The following DIS3L variants were observed in gnomAD, a reference collection of about 807,000 sequenced individuals.
The protein encoded by DIS3L is DIS3-like exonuclease 1.
Under a neutral mutation model 120.3 loss-of-function variants are expected in DIS3L, and 100 were observed. The observed-to-expected ratio is 0.83, with a 90% CI of 0.71 to 0.98. DIS3L has a LOEUF of 0.98. Ranked by LOEUF, DIS3L falls within the 50% of genes least tolerant of loss-of-function variation. The pLI is 0.00. For missense variants in DIS3L, 1,196 were observed against 1,314.2 expected (o/e 0.91, Z 1.39); for synonymous variants, 426 against 470.6 (o/e 0.91, Z 1.23).
At chr15:66,299,684 AT>A (rs2092626570) in intron 2 of DIS3L, among the ~76,000 whole-genome samples, 4 of 152,162 alleles carry the variant, frequency 2.6e-5, no homozygotes, top group Admixed American at 1.3e-4. Flanking sequence ...TCCAAGGAGT[AT>A]TTAATAGGTA....
intron 7 of DIS3L, 149 bp downstream of exon 7, chr15:66,315,364 G>A: frequency 2.5e-6 from 2 of 793,398 alleles, no homozygotes; most frequent in Non-Finnish European, 3.7e-6. Context: ...ATAATATGAT[G>A]ATTTTTGTGT....
chr15:66,309,399 A>G (rs904501928), intron 4 of DIS3L, among the ~76,000 whole-genome samples: 1 of 152,018 alleles, frequency 6.6e-6, no homozygotes, highest in Non-Finnish European at 1.5e-5. Flanking sequence ...TATAACTATA[A>G]CAGTAATAGT....
intron 15 of DIS3L, among the ~76,000 whole-genome samples, chr15:66,332,485 A>AGGGTGTGT (rs2093009585): frequency 9.1e-6 from 1 of 109,742 alleles, no homozygotes; most frequent in East Asian, 2.6e-4. Context: ...TGAAGACTGG[A>AGGGTGTGT]GTGTGTGTGT....
chr15:66,302,321 C>T (rs947855421), intron 2 of DIS3L, among the ~76,000 whole-genome samples: 3 of 152,026 alleles, frequency 2.0e-5, no homozygotes, highest in Non-Finnish European at 4.4e-5. Context: ...GAGCCATGAT[C>T]GCGCTGCTGC....
chr15:66,297,691 T>G (rs1167572877), intron 2 of DIS3L, among the ~76,000 whole-genome samples: 1 of 152,240 alleles, frequency 6.6e-6, no homozygotes, highest in Admixed American at 6.5e-5. Flanking sequence ...GAGATGCAAG[T>G]AAATAATTCA....
At position 66,332,623 on chromosome 15, in the gene DIS3L, G is replaced by A. The variant is rs2093013041; in HGVS notation, c.2682-113G>A. 3.6e-6 allele frequency: 4 copies of A among 1,100,270 alleles called. No homozygotes were observed. The Admixed American group carries it at 1.0e-4, about 27-fold the overall frequency. The allele number at this position is 1,100,270 out of a possible 1,614,324, so 68.2% of individuals were successfully genotyped here. The stretch of plus-strand genomic sequence containing the variant: ...AATAAATACGTGGAGGTAAACCACA[G>A]GAAAAGTGATTTGTTTTTAATCTAG... On this transcript the variant is annotated intron_variant, in intron 15 of 16. Coordinates refer to ENST00000319212, the MANE Select transcript of DIS3L (RefSeq NM_001143688.3).
rs1165820649 is a variant in DIS3L at position 66,329,462 on chromosome 15, TGTGTAGTACC to T, written c.2535+67_2535+76del. The T allele has an allele frequency of 2.0e-6, 3 of 1,526,084 alleles. No homozygotes were observed. In the East Asian group the frequency reaches 6.8e-5, roughly 35 times the overall value. 94.5% of individuals were successfully genotyped at this position (1,526,084 alleles called of 1,614,324 possible). A position where few individuals can be genotyped will look rare whatever the true frequency, so the allele number is the denominator to read the frequency against. On this transcript the variant is annotated intron_variant, in intron 14 of 16. Coordinates refer to ENST00000319212, the MANE Select transcript of DIS3L (RefSeq NM_001143688.3). ...CTTGCTAAGAAAATATCAGCTTTATTGTGTAGTACCGTGAAGTATCATATATTCTAGCAAA... is the reference window on the plus strand; with the variant it reads ...CTTGCTAAGAAAATATCAGCTTTATTGTGAAGTATCATATATTCTAGCAAA...
intron 2 of DIS3L, among the ~76,000 whole-genome samples, chr15:66,296,716 G>C (rs1390174508): frequency 6.6e-6 from 1 of 151,962 alleles, no homozygotes; most frequent in Admixed American, 6.6e-5. Flanking sequence ...TAGAGATGGG[G>C]TTTCACCATG....
chr15:66,308,248 T>G (rs573087039), intron 3 of DIS3L, among the ~76,000 whole-genome samples: 2 of 152,216 alleles, frequency 1.3e-5, no homozygotes, highest in African/African-American at 4.8e-5. Flanking sequence ...TCCGGTTCTT[T>G]TTTGGAAGAT....
chr15:66,302,696 T>C (rs2092661473), intron 2 of DIS3L, among the ~76,000 whole-genome samples: 2 of 152,182 alleles, frequency 1.3e-5, no homozygotes, highest in Non-Finnish European at 2.9e-5. Context: ...ATGGGTCACC[T>C]ACTCCAGGAA....
chr15:66,306,787 T>A lies in DIS3L; in HGVS notation c.294-37T>A, dbSNP rs138547783. 8,650 of 1,612,004 alleles carry A rather than the reference T, an allele frequency of 5.4e-3. 108 individuals carry two copies. Among genetic ancestry groups the A allele is most frequent in the South Asian group, 0.031 (2,795 of 90,958 alleles). ...CAAGAGATAGCAGTGGATGAGTACC[T>A]GCTTTGTTAGAGTTATTTTTCTCCT... On this transcript the variant is annotated intron_variant, in intron 2 of 16. Transcript: ENST00000319212.
chr15:66,296,685 G>A (rs1225587811), intron 2 of DIS3L, among the ~76,000 whole-genome samples: 2 of 151,784 alleles, frequency 1.3e-5, no homozygotes, highest in African/African-American at 2.4e-5. Context: ...CACCACGCCC[G>A]GCTAATTTTT....
chr15:66,314,791 A>G, intron 6 of DIS3L: 1 of 406,164 alleles, frequency 2.5e-6, no homozygotes, highest in Non-Finnish European at 4.5e-6. Flanking sequence ...GGTGAAGGGG[A>G]TGGGGATATT....
At chr15:66,307,061 A>T in intron 3 of DIS3L, 109 bp downstream of exon 3, 1 of 1,400,954 alleles carries the variant, frequency 7.1e-7, no homozygotes, top group Non-Finnish European at 9.7e-7. Flanking sequence ...ACCAACAATT[A>T]TTCTGGAACC....
rs752749851 is a variant in DIS3L, at chr15:66,326,073, G to T, written c.1910G>T (p.Arg637Leu). Residue 637 changes from arginine to leucine, a missense_variant, in exon 12 of 17, where the codon CGC becomes CTC. Arg to Leu is a moderately radical substitution (Grantham distance 102). Transcript: ENST00000319212. ...ATTGGAAAGCTGACCGACATAGCTC[G>T]CCATGTCAGAGCTAAACGAGACGGA... Reference protein sequence around the residue: ...WAIGKLTDIARHVRAKRDGCG... With the variant: ...WAIGKLTDIALHVRAKRDGCG... 1 of 1,614,134 alleles carries T rather than the reference G, an allele frequency of 6.2e-7. No individual in the cohort carries two copies. The highest frequency in any genetic ancestry group is 8.5e-7 in the Non-Finnish European group (1 of 1,180,008).
At chr15:66,313,065 G>A (rs545958040) in intron 5 of DIS3L, among the ~76,000 whole-genome samples, 391 of 151,906 alleles carry the variant, frequency 2.6e-3, no homozygotes, top group African/African-American at 8.6e-3. Context: ...GTGCAATCTC[G>A]GCTCACTGCA....
chr15:66,312,683 T>A (rs2092774340), intron 5 of DIS3L, among the ~76,000 whole-genome samples: 1 of 152,200 alleles, frequency 6.6e-6, no homozygotes, highest in Admixed American at 6.5e-5. Context: ...TTATTCAGAT[T>A]TCAACAGTTT....
chr15:66,309,171 G>T (rs970156468), intron 4 of DIS3L, among the ~76,000 whole-genome samples: 2 of 143,580 alleles, frequency 1.4e-5, no homozygotes, highest in African/African-American at 2.6e-5. Flanking sequence ...AGAATCACTG[G>T]AGCCTGGGAG....
chr15:66,302,826 A>G (rs1190607840), intron 2 of DIS3L, among the ~76,000 whole-genome samples: 7 of 152,196 alleles, frequency 4.6e-5, no homozygotes, highest in Non-Finnish European at 1.0e-4. Flanking sequence ...TTGTGGTAAA[A>G]TGTACATACA....
Sources: allele counts gnomAD v4.1 joint callset (sites outside exome capture counted in the v4.1 genomes callset), GRCh38; gene constraint gnomAD v4.1.1; transcripts MANE v1.5; gene names NCBI Gene and HGNC (gene_info 2026-07-23, HGNC 2026-07-21).